PLAG1: variants seen among roughly 807,000 people sequenced by gnomAD.
PLAG1 encodes zinc finger protein PLAG1.
Under a neutral mutation model 35.5 loss-of-function variants are expected in PLAG1, and 7 were observed. The ratio of observed to expected loss-of-function variants is 0.20; its 90% confidence interval spans 0.11 to 0.37. The LOEUF (loss-of-function observed/expected upper bound fraction) is 0.37. Ranked by LOEUF, PLAG1 falls within the 10% of genes least tolerant of loss-of-function variation. The pLI is 1.00. For synonymous variants in PLAG1, 229 were observed against 225.4 expected (o/e 1.02, Z -0.14); for missense variants, 454 against 602.8 (o/e 0.75, Z 2.58).
intron 1 of PLAG1, among the ~76,000 whole-genome samples, chr8:56,190,649 A>T (rs533561127): frequency 1.5e-4 from 23 of 152,162 alleles, no homozygotes; most frequent in African/African-American, 5.1e-4. Flanking sequence ...TCACTGTTTT[A>T]TTTTTTAAAA....
chr8:56,176,697 A>G (rs1786924756), intron 2 of PLAG1, among the ~76,000 whole-genome samples: 1 of 151,642 alleles, frequency 6.6e-6, no homozygotes, highest in African/African-American at 2.4e-5. Context: ...GTCCCAAAAT[A>G]TTGGTGATCT....
intron 1 of PLAG1, among the ~76,000 whole-genome samples, chr8:56,193,633 G>C (rs1011686994): frequency 3.3e-5 from 5 of 151,906 alleles, no homozygotes; most frequent in African/African-American, 7.2e-5. Flanking sequence ...CTAAGCATTC[G>C]AGACTGATGT....
At chr8:56,204,034 T>C (rs775796811) in intron 1 of PLAG1, among the ~76,000 whole-genome samples, 1 of 152,112 alleles carries the variant, frequency 6.6e-6, no homozygotes, top group African/African-American at 2.4e-5. Flanking sequence ...TATAAGGTCA[T>C]AACAATCCAA....
intron 1 of PLAG1, among the ~76,000 whole-genome samples, chr8:56,205,296 C>A (rs1198669673): frequency 2.0e-5 from 3 of 151,756 alleles, no homozygotes; most frequent in Non-Finnish European, 4.4e-5. Flanking sequence ...ACATTCAAAA[C>A]AATCTTCAAA....
intron 1 of PLAG1, among the ~76,000 whole-genome samples, chr8:56,204,265 T>C (rs1258526022): frequency 2.6e-5 from 4 of 151,806 alleles, no homozygotes; most frequent in African/African-American, 9.7e-5. Context: ...TCTCTCAGGG[T>C]ATGAAGAAAA....
chr8:56,202,747 G>C (rs970753233), intron 1 of PLAG1, among the ~76,000 whole-genome samples: 1 of 152,068 alleles, frequency 6.6e-6, no homozygotes, highest in African/African-American at 2.4e-5. Flanking sequence ...AGATAACCCA[G>C]GCTATGATTA....
chr8:56,166,360 A>T lies in PLAG1; in HGVS notation c.1386T>A (p.Asp462Glu), dbSNP rs1811352495. The T allele has an allele frequency of 3.1e-6, 5 of 1,613,964 alleles. No individual in the cohort carries two copies. Among genetic ancestry groups the T allele is most frequent in the Non-Finnish European group, 4.2e-6 (5 of 1,179,902 alleles). Residue 462 changes from aspartate to glutamate, a missense_variant, in exon 5 of 5, where the codon GAT becomes GAA. This residue lies in a region of PLAG1 where 271 missense variants were observed against 315.6 expected (regional missense o/e 0.86). Transcript: ENST00000316981. ...SVSQLPPQTQDLQDPANTIGL... is the reference protein window; with the variant it reads ...SVSQLPPQTQELQDPANTIGL... ...CTATAGTGTTTGCAGGATCCTGAAG[A>T]TCCTGTGTTTGTGGGGGGAGCTGGG...
Position 56,167,234 on chromosome 8 carries a change from G to T in PLAG1, c.512C>A (p.Ser171Tyr). 6.2e-7 allele frequency: 1 copy of T among 1,614,106 alleles called. No individual in the cohort carries two copies. Among genetic ancestry groups the T allele is most frequent in the Non-Finnish European group, 8.5e-7 (1 of 1,180,018 alleles). Residue 171 changes from serine (S) to tyrosine (Y), a missense_variant, in exon 5 of 5, where the codon TCT becomes TAT. Around this residue, in one of 4 missense-constraint regions of PLAG1, gnomAD observed 170 missense variants for 226.3 expected, o/e 0.75. Coordinates refer to ENST00000316981, the MANE Select transcript of PLAG1 (RefSeq NM_002655.3). This position sits in a 1 kb window ranked among gnomAD's most constrained non-coding sequence, Gnocchi z 5.9. ...CCCACCAGACGACTTGCCTGCATGAGATTTAAGGTGCTCCAGAAGCACTCC... is the reference window on the plus strand; with the variant it reads ...CCCACCAGACGACTTGCCTGCATGATATTTAAGGTGCTCCAGAAGCACTCC... ...STGVLLEHLK[S>Y]HAGKSSGGVK...
At chr8:56,199,588 T>C (rs186010219) in intron 1 of PLAG1, among the ~76,000 whole-genome samples, 37 of 152,148 alleles carry the variant, frequency 2.4e-4, no homozygotes, top group Admixed American at 2.2e-3. Flanking sequence ...AATTCCAAGA[T>C]GGGAGGGGTG....
chr8:56,171,310 C>G (rs539570087), intron 2 of PLAG1, 121 bp from the exon 3 acceptor site: 1 of 156,190 alleles, frequency 6.4e-6, no homozygotes, highest in Admixed American at 6.5e-5. Flanking sequence ...ACTCTGCTTA[C>G]GAGTCATGCA....
chr8:56,167,928 A>G lies in PLAG1; in HGVS notation c.242+100T>C. ...TCTACTTAACATTTCCTCTTTGCAA[A>G]TTAGCTGAAAAATGTGTATACAAAT... On this transcript the variant is annotated intron_variant, in intron 4 of 4. Coordinates refer to ENST00000316981, the MANE Select transcript of PLAG1 (RefSeq NM_002655.3). This position sits in a 1 kb window ranked among gnomAD's most constrained non-coding sequence, Gnocchi z 5.9. 1.5e-6 allele frequency: 1 copy of G among 674,098 alleles called. No homozygotes were observed. Among genetic ancestry groups the G allele is most frequent in the Non-Finnish European group, 2.5e-6 (1 of 397,148 alleles). The allele number at this position is 674,098 out of a possible 1,614,324, so 41.8% of individuals were successfully genotyped here.
Position 56,162,828 on chromosome 8 carries a change from A to C in PLAG1, c.*3415T>G. 1 of 215,040 alleles carries C rather than the reference A, an allele frequency of 4.7e-6. No individual in the cohort carries two copies. The highest frequency in any genetic ancestry group is 9.4e-6 in the Non-Finnish European group (1 of 106,166). 13.3% of individuals were successfully genotyped at this position (215,040 alleles called of 1,614,324 possible). A position where few individuals can be genotyped will look rare whatever the true frequency, so the allele number is the denominator to read the frequency against. On this transcript the variant is annotated 3_prime_UTR_variant, in exon 5 of 5. Coordinates refer to ENST00000316981, the MANE Select transcript of PLAG1 (RefSeq NM_002655.3). ...AACCGCTACTGTCCAAATTAACACA[A>C]TATATCACTATATTCCACAAATGAC...
At chr8:56,197,488 T>G (rs911140760) in intron 1 of PLAG1, among the ~76,000 whole-genome samples, 1 of 152,244 alleles carries the variant, frequency 6.6e-6, no homozygotes, top group African/African-American at 2.4e-5. Flanking sequence ...GAGTCAGAGT[T>G]GCTGGTGCAT....
chr8:56,167,231 T>C lies in PLAG1; in HGVS notation c.515A>G (p.His172Arg). 6.2e-7 allele frequency: 1 copy of C among 1,611,176 alleles called. No homozygotes were observed. Residue 172 changes from histidine (H) to arginine (R), a missense_variant, in exon 5 of 5, where the codon CAT becomes CGT. Physicochemically the swap from His to Arg is conservative, Grantham distance 29 (BLOSUM62 0). Around this residue, in one of 4 missense-constraint regions of PLAG1, gnomAD observed 170 missense variants for 226.3 expected, o/e 0.75. Transcript: ENST00000316981. This position sits in a 1 kb window ranked among gnomAD's most constrained non-coding sequence, Gnocchi z 5.9. Reference protein sequence around the residue: ...TGVLLEHLKSHAGKSSGGVKE... With the variant: ...TGVLLEHLKSRAGKSSGGVKE... The stretch of plus-strand genomic sequence containing the variant: ...AACCCCACCAGACGACTTGCCTGCA[T>C]GAGATTTAAGGTGCTCCAGAAGCAC...
intron 1 of PLAG1, among the ~76,000 whole-genome samples, chr8:56,179,913 C>T (rs904599259): frequency 6.6e-6 from 1 of 152,150 alleles, no homozygotes; most frequent in Non-Finnish European, 1.5e-5. Flanking sequence ...AGAAATCTTG[C>T]CCCATGAGTG....
At chr8:56,202,018 A>T (rs1463866138) in intron 1 of PLAG1, among the ~76,000 whole-genome samples, 1 of 151,000 alleles carries the variant, frequency 6.6e-6, no homozygotes, top group East Asian at 1.9e-4. Flanking sequence ...TGGCTGAAAT[A>T]AAAAATTTTG....
At chr8:56,209,656 T>C (rs72656010) in intron 1 of PLAG1, among the ~76,000 whole-genome samples, 15,964 of 152,206 alleles carry the variant, frequency 0.1, 1,012 homozygotes, top group Non-Finnish European at 0.14. Context: ...CAGCTTAACA[T>C]TCTTTAGGAA....
chr8:56,175,624 A>C (rs1811663070), intron 2 of PLAG1, among the ~76,000 whole-genome samples: 1 of 152,188 alleles, frequency 6.6e-6, no homozygotes, highest in South Asian at 2.1e-4. Context: ...CAATTCATTA[A>C]AATATAGTTC....
intron 1 of PLAG1, among the ~76,000 whole-genome samples, chr8:56,196,579 A>G (rs1157993817): frequency 1.3e-5 from 2 of 151,990 alleles, no homozygotes; most frequent in Non-Finnish European, 2.9e-5. Flanking sequence ...AGGACACGTC[A>G]GTCAGAACTG....
Sources: allele counts gnomAD v4.1 joint callset (sites outside exome capture counted in the v4.1 genomes callset), GRCh38; gene constraint gnomAD v4.1.1; regional missense constraint gnomAD v4.1.1; non-coding constraint Gnocchi (gnomAD v3.1); transcripts MANE v1.5; gene names NCBI Gene and HGNC (gene_info 2026-07-23, HGNC 2026-07-21).